PARPBP: variants seen among roughly 807,000 people sequenced by gnomAD.
The protein encoded by PARPBP is PARP1 binding protein, also known as PCNA-interacting partner.
In PARPBP, 52 loss-of-function variants were observed where a neutral mutation model predicts 50.0. That is an observed-to-expected ratio of 1.04 (90% CI 0.83 to 1.31). The LOEUF (loss-of-function observed/expected upper bound fraction) is 1.31, where lower values mean the gene tolerates loss of function less well. Ranked by LOEUF, PARPBP falls within the 50% of genes most tolerant of loss-of-function variation. The pLI is 0.00. For synonymous variants in PARPBP, 244 were observed against 232.1 expected (o/e 1.05, Z -0.47); for missense variants, 697 against 672.0 (o/e 1.04, Z -0.41).
intron 2 of PARPBP, among the ~76,000 whole-genome samples, chr12:102,139,416 T>C (rs577318252): frequency 6.6e-6 from 1 of 152,346 alleles, no homozygotes; most frequent in African/African-American, 2.4e-5. Flanking sequence ...TATACAATAA[T>C]GTCATCTGCA....
chr12:102,190,256 C>T (rs1003830570), intron 9 of PARPBP, among the ~76,000 whole-genome samples: 2 of 152,014 alleles, frequency 1.3e-5, no homozygotes, highest in African/African-American at 2.4e-5. Context: ...CTTGCATATA[C>T]TTGTTATAGT....
intron 3 of PARPBP, chr12:102,151,658 C>T: frequency 6.5e-7 from 1 of 1,535,694 alleles, no homozygotes; most frequent in Non-Finnish European, 8.7e-7. Flanking sequence ...CCACCAGTGT[C>T]AGCCTCATTG....
chr12:102,196,140 A>G lies in PARPBP; in HGVS notation c.1589A>G (p.Gln530Arg). ...TGTGATAATAGAAATGAACCACCTC[A>G]ACATAAAAATGCTAAAATACCTAAG... ...ILCDNRNEPP[Q>R]HKNAKIPKKS... Residue 530 changes from glutamine to arginine, a missense_variant, in exon 11 of 11, where the codon CAA becomes CGA. Physicochemically the swap from Gln to Arg is conservative, Grantham distance 43 (BLOSUM62 1). Transcript: ENST00000327680. 1 of 1,612,180 alleles carries G rather than the reference A, an allele frequency of 6.2e-7. No homozygotes were observed. The highest frequency in any genetic ancestry group is 8.5e-7 in the Non-Finnish European group (1 of 1,178,700).
At chr12:102,124,838 T>A (rs943701228) in intron 2 of PARPBP, among the ~76,000 whole-genome samples, 11 of 152,146 alleles carry the variant, frequency 7.2e-5, no homozygotes, top group Non-Finnish European at 5.9e-5. Context: ...ATTTTTAGAT[T>A]CCATAGACAG....
intron 2 of PARPBP, among the ~76,000 whole-genome samples, chr12:102,147,507 T>C (rs554420607): frequency 2.1e-4 from 29 of 139,878 alleles, no homozygotes; most frequent in African/African-American, 7.7e-4. Context: ...ATAGATGGAA[T>C]TGAACAATGA....
intron 9 of PARPBP, among the ~76,000 whole-genome samples, chr12:102,183,480 T>C (rs887045246): frequency 2.6e-5 from 4 of 152,182 alleles, no homozygotes; most frequent in African/African-American, 9.6e-5. Flanking sequence ...TATTTATTAA[T>C]ACCTTTTCTT....
chr12:102,143,461 C>T (rs1048413668), intron 2 of PARPBP, among the ~76,000 whole-genome samples: 5 of 152,214 alleles, frequency 3.3e-5, no homozygotes, highest in African/African-American at 4.8e-5. Context: ...TGCCCTGCTT[C>T]AGCTCATGCT....
intron 6 of PARPBP, among the ~76,000 whole-genome samples, chr12:102,170,249 T>C (rs1428624501): frequency 6.6e-6 from 1 of 152,266 alleles, no homozygotes; most frequent in African/African-American, 2.4e-5. Flanking sequence ...AACTTTTTAA[T>C]GCACATTTAC....
At chr12:102,146,886 C>T (rs1282900463) in intron 2 of PARPBP, among the ~76,000 whole-genome samples, 8 of 151,894 alleles carry the variant, frequency 5.3e-5, no homozygotes, top group African/African-American at 1.7e-4. Context: ...AAACAAACAA[C>T]CCCATCAAAA....
chr12:102,196,997 G>A lies in PARPBP; in HGVS notation c.*706G>A. ...CTGTCAAAATCTCTCCTTCCTATAG[G>A]AAATTTAGCTGAGTTTTCTTCATCC... On this transcript the variant is annotated 3_prime_UTR_variant, in exon 11 of 11. Coordinates refer to ENST00000327680, the MANE Select transcript of PARPBP (RefSeq NM_017915.5). The A allele has an allele frequency of 6.2e-7, 1 of 1,611,462 alleles. No homozygotes were observed. The highest frequency in any genetic ancestry group is 8.5e-7 in the Non-Finnish European group (1 of 1,178,280).
rs1882228211 is a variant in PARPBP at position 102,127,740 on chromosome 12, A to G, written c.153+3699A>G. The stretch of plus-strand genomic sequence containing the variant: ...CTTGGGTACATGTACATTTATTGAC[A>G]TGGAAAAATATTCAAAATATATTGT... On this transcript the variant is annotated intron_variant, in intron 2 of 10. Transcript: ENST00000327680. Among the ~76,000 whole-genome samples the G allele has an allele frequency of 2.6e-5, 4 of 152,214 alleles. No individual in the cohort carries two copies. The South Asian group carries it at 8.3e-4, about 32-fold the overall frequency.
intron 2 of PARPBP, among the ~76,000 whole-genome samples, chr12:102,144,997 A>G (rs1217894866): frequency 6.6e-6 from 1 of 152,166 alleles, no homozygotes; most frequent in African/African-American, 2.4e-5. Flanking sequence ...AGGCCCCTGC[A>G]CTAAGGACAA....
intron 3 of PARPBP, chr12:102,148,793 T>G (rs1885783742): frequency 4.8e-6 from 1 of 210,516 alleles, no homozygotes. Flanking sequence ...TTTCTTGATT[T>G]AATGTGCATC....
rs116866412 is a variant in PARPBP, at chr12:102,161,871, A to G, written c.496-2567A>G. On this transcript the variant is annotated intron_variant, in intron 4 of 10. Transcript: ENST00000327680. ...AATGTCTACTTTAGACTGGGGAATCAGGGAGCATCTCTGAAAAGGTAACAT... is the reference window on the plus strand; with the variant it reads ...AATGTCTACTTTAGACTGGGGAATCGGGGAGCATCTCTGAAAAGGTAACAT... Among the ~76,000 whole-genome samples, 110 of 152,344 alleles carry G rather than the reference A, an allele frequency of 7.2e-4. 2 individuals carry two copies. In the East Asian group the frequency reaches 0.016, roughly 22 times the overall value.
Position 102,196,309 on chromosome 12 carries a change from T to C in PARPBP, c.*18T>C. The C allele has an allele frequency of 2.1e-6, 3 of 1,459,208 alleles. No homozygotes were observed. The highest frequency in any genetic ancestry group is 2.8e-6 in the Non-Finnish European group (3 of 1,073,596). 90.4% of individuals were successfully genotyped at this position (1,459,208 alleles called of 1,614,324 possible). On this transcript the variant is annotated 3_prime_UTR_variant, in exon 11 of 11. Coordinates refer to ENST00000327680, the MANE Select transcript of PARPBP (RefSeq NM_017915.5). ...GACTATAAATTTGTGTCTTATATGC[T>C]TTAGGTTTATGTATCTATAAACCAT...
intron 4 of PARPBP, among the ~76,000 whole-genome samples, chr12:102,158,670 A>C (rs1887228313): frequency 6.6e-6 from 1 of 151,542 alleles, no homozygotes; most frequent in Non-Finnish European, 1.5e-5. Flanking sequence ...GTGATTGCCA[A>C]ATTGCCTGAT....
At chr12:102,149,796 T>G (rs910021017) in intron 3 of PARPBP, among the ~76,000 whole-genome samples, 1 of 152,192 alleles carries the variant, frequency 6.6e-6, no homozygotes, top group African/African-American at 2.4e-5. Flanking sequence ...TCCGCACACA[T>G]GTACAACTAC....
At chr12:102,178,900 G>A in intron 8 of PARPBP, 130 bp downstream of exon 8, 1 of 561,400 alleles carries the variant, frequency 1.8e-6, no homozygotes, top group Non-Finnish European at 3.0e-6. Context: ...TTAATTAAAG[G>A]GAGATTGAAC....
intron 9 of PARPBP, among the ~76,000 whole-genome samples, chr12:102,187,476 T>C (rs1890398693): frequency 6.6e-6 from 1 of 152,196 alleles, no homozygotes; most frequent in East Asian, 1.9e-4. Context: ...TAGTTCTATC[T>C]ACTGAATTGG....
Sources: gnomAD v4.1 joint callset for allele counts (sites outside exome capture counted in the v4.1 genomes callset) on GRCh38, gnomAD v4.1.1 for gene constraint, MANE v1.5 for transcripts, NCBI Gene and HGNC (gene_info 2026-07-23, HGNC 2026-07-21) for gene names.